SLC25A21: variants seen among roughly 807,000 people sequenced by gnomAD.
SLC25A21 encodes the protein mitochondrial 2-oxodicarboxylate carrier.
SLC25A21 carries 47 observed loss-of-function variants against 43.8 expected under a neutral mutation model. The ratio of observed to expected loss-of-function variants is 1.07; its 90% CI spans 0.85 to 1.37. The LOEUF (loss-of-function observed/expected upper bound fraction) is 1.37. Among genes scored for constraint, SLC25A21 ranks in the 40% most tolerant of loss-of-function variants. The pLI, the probability that SLC25A21 is intolerant of heterozygous loss-of-function variation, is 0.00. For missense variants in SLC25A21, 352 were observed against 350.2 expected (o/e 1.00, Z -0.04); for synonymous variants, 131 against 121.3 (o/e 1.08, Z -0.52).
intron 1 of SLC25A21, among the ~76,000 whole-genome samples, chr14:36,915,567 T>TCTC (rs1461483524): frequency 1.3e-5 from 2 of 152,126 alleles, no homozygotes; most frequent in Non-Finnish European, 2.9e-5. Context: ...TGCATAAGGC[T>TCTC]CTCTATCCCT....
chr14:37,005,843 T>C (rs1960591212), intron 1 of SLC25A21, among the ~76,000 whole-genome samples: 1 of 152,220 alleles, frequency 6.6e-6, no homozygotes, highest in African/African-American at 2.4e-5. Flanking sequence ...ACAAAGTATA[T>C]GGCCATTGTA....
Position 37,040,379 on chromosome 14 carries a change from GAAAGAA to G in SLC25A21, c.70+131896_70+131901del, listed in dbSNP as rs1566835467. On this transcript the variant is annotated intron_variant, in intron 1 of 9. Coordinates refer to ENST00000331299, the MANE Select transcript of SLC25A21 (RefSeq NM_030631.4). ...AAAGAAAGAGAGAGAGAGAGAGAAAGAAAGAAAGAAAGAAAGAAAGAAAGAAAGAAA... is the reference window on the plus strand; with the variant it reads ...AAAGAAAGAGAGAGAGAGAGAGAAAGAGAAAGAAAGAAAGAAAGAAAGAAA... 7.2e-4 allele frequency among the ~76,000 whole-genome samples: 37 copies of G among 51,454 alleles called. 3 individuals are homozygous for G. The highest frequency in any genetic ancestry group is 3.7e-3 in the Admixed American group (23 of 6,170). 33.8% of individuals were successfully genotyped at this position (51,454 alleles called of 152,430 possible).
chr14:36,783,811 G>T (rs906929615), intron 3 of SLC25A21, among the ~76,000 whole-genome samples: 1 of 152,090 alleles, frequency 6.6e-6, no homozygotes, highest in African/African-American at 2.4e-5. Flanking sequence ...GGGGAGATAT[G>T]GTAGAAAATT....
intron 1 of SLC25A21, among the ~76,000 whole-genome samples, chr14:36,899,326 A>T (rs1891337489): frequency 6.6e-6 from 1 of 152,252 alleles, no homozygotes; most frequent in African/African-American, 2.4e-5. Context: ...TTCTGGAAAG[A>T]GGATCCCAAA....
intron 1 of SLC25A21, among the ~76,000 whole-genome samples, chr14:36,909,646 A>C (rs1031409763): frequency 6.6e-6 from 1 of 152,238 alleles, no homozygotes; most frequent in Non-Finnish European, 1.5e-5. Flanking sequence ...CAGATAAAGC[A>C]GAATAGACTT....
At chr14:36,983,554 T>C (rs146760840) in intron 1 of SLC25A21, among the ~76,000 whole-genome samples, 1 of 152,326 alleles carries the variant, frequency 6.6e-6, no homozygotes, top group East Asian at 1.9e-4. Flanking sequence ...GTAAGTTAGT[T>C]CAACCCCTGT....
At chr14:37,100,666 C>T (rs918695384) in intron 1 of SLC25A21, among the ~76,000 whole-genome samples, 3 of 152,152 alleles carry the variant, frequency 2.0e-5, no homozygotes, top group African/African-American at 7.2e-5. Context: ...GTTCTCCATC[C>T]CTATGGACTA....
intron 5 of SLC25A21, among the ~76,000 whole-genome samples, chr14:36,729,247 C>A (rs905698397): frequency 6.6e-6 from 1 of 152,144 alleles, no homozygotes; most frequent in Non-Finnish European, 1.5e-5. Context: ...GATAAATGTA[C>A]TCTTTATTTC....
chr14:36,947,002 A>G (rs1268801454), intron 1 of SLC25A21, among the ~76,000 whole-genome samples: 1 of 152,140 alleles, frequency 6.6e-6, no homozygotes, highest in Admixed American at 6.6e-5. Context: ...ACTTTATTCT[A>G]TATCCTCCAG....
intron 1 of SLC25A21, among the ~76,000 whole-genome samples, chr14:37,145,889 G>A (rs1963656181): frequency 6.6e-6 from 1 of 152,116 alleles, no homozygotes; most frequent in Admixed American, 6.6e-5. Context: ...AGTAACCAGG[G>A]CAGGAAAACT....
Position 36,989,218 on chromosome 14 carries a change from G to C in SLC25A21, c.71-114214C>G, listed in dbSNP as rs182117795. 7.9e-5 allele frequency among the ~76,000 whole-genome samples: 12 copies of C among 152,248 alleles called. No homozygotes were observed. The East Asian group carries it at 2.3e-3, about 30-fold the overall frequency. On this transcript the variant is annotated intron_variant, in intron 1 of 9. Coordinates refer to ENST00000331299, the MANE Select transcript of SLC25A21 (RefSeq NM_030631.4). Reference sequence around the variant, plus strand: ...TGCAGTCTTTGTTTCCTCTCCTACAGTACATTCAGTCCTCTTTTCTGGTTT... The same window carrying C: ...TGCAGTCTTTGTTTCCTCTCCTACACTACATTCAGTCCTCTTTTCTGGTTT...
At chr14:36,699,005 G>T (rs938959863) in intron 7 of SLC25A21, among the ~76,000 whole-genome samples, 1 of 151,940 alleles carries the variant, frequency 6.6e-6, no homozygotes, top group Non-Finnish European at 1.5e-5. Context: ...GAAGCACTCT[G>T]ATTTTTAGAA....
intron 1 of SLC25A21, among the ~76,000 whole-genome samples, chr14:37,151,013 G>T (rs1963750026): frequency 6.6e-6 from 1 of 151,472 alleles, no homozygotes; most frequent in Non-Finnish European, 1.5e-5. Flanking sequence ...TTAGCACATT[G>T]GTAGGTTCTC....
At chr14:36,819,412 A>G (rs1453678319) in intron 2 of SLC25A21, among the ~76,000 whole-genome samples, 1 of 152,192 alleles carries the variant, frequency 6.6e-6, no homozygotes, top group Non-Finnish European at 1.5e-5. Flanking sequence ...TTAGCTGAGA[A>G]TCATGACTGC....
At chr14:37,085,030 T>A (rs1962457671) in intron 1 of SLC25A21, among the ~76,000 whole-genome samples, 3 of 152,238 alleles carry the variant, frequency 2.0e-5, no homozygotes, top group Admixed American at 2.0e-4. Flanking sequence ...TTTTTTTAAC[T>A]GGGCTTTATT....
intron 1 of SLC25A21, among the ~76,000 whole-genome samples, chr14:37,125,520 G>A (rs1023580796): frequency 3.9e-5 from 6 of 152,104 alleles, no homozygotes; most frequent in Non-Finnish European, 7.3e-5. Flanking sequence ...AGTCTAGATA[G>A]GACAAAGAGA....
intron 1 of SLC25A21, among the ~76,000 whole-genome samples, chr14:37,068,512 A>G (rs1962106481): frequency 6.6e-6 from 1 of 152,206 alleles, no homozygotes; most frequent in Admixed American, 6.5e-5. Flanking sequence ...GTATTCTTTG[A>G]CATTAACACA....
At chr14:36,904,492 G>T (rs1403838914) in intron 1 of SLC25A21, among the ~76,000 whole-genome samples, 1 of 152,114 alleles carries the variant, frequency 6.6e-6, no homozygotes, top group Non-Finnish European at 1.5e-5. Context: ...GGAAGTTCTT[G>T]ATTTTTCTCC....
chr14:36,722,504 T>A (rs114699280), intron 6 of SLC25A21, among the ~76,000 whole-genome samples: 245 of 152,284 alleles, frequency 1.6e-3, no homozygotes, highest in Middle Eastern at 6.8e-3. Context: ...GGGATGTTGA[T>A]CATGGGGAAG....
Sources: gnomAD v4.1 joint callset for allele counts (sites outside exome capture counted in the v4.1 genomes callset) on GRCh38, gnomAD v4.1.1 for gene constraint, MANE v1.5 for transcripts, NCBI Gene and HGNC (gene_info 2026-07-23, HGNC 2026-07-21) for gene names.